GLT8D2: variants seen among roughly 807,000 people sequenced by gnomAD.
GLT8D2 encodes the protein glycosyltransferase 8 domain containing 2.
GLT8D2 carries 45 observed loss-of-function variants against 44.5 expected under a neutral mutation model. The observed-to-expected ratio is 1.01, with a 90% CI of 0.80 to 1.30. GLT8D2 has a LOEUF of 1.30. Ranked by LOEUF, GLT8D2 falls within the 50% of genes most tolerant of loss-of-function variation. The pLI, the probability that GLT8D2 is intolerant of heterozygous loss-of-function variation, is 0.00. For missense variants in GLT8D2, 400 were observed against 430.4 expected (o/e 0.93, Z 0.62); for synonymous variants, 156 against 157.2 (o/e 0.99, Z 0.06).
At chr12:104,041,971 G>A (rs1041830987) in intron 1 of GLT8D2, among the ~76,000 whole-genome samples, 3 of 152,202 alleles carry the variant, frequency 2.0e-5, no homozygotes, top group African/African-American at 7.2e-5. Flanking sequence ...GCAAGCTCCA[G>A]GGACAGGACG....
intron 4 of GLT8D2, among the ~76,000 whole-genome samples, chr12:104,009,561 A>T (rs1230391547): frequency 6.6e-6 from 1 of 152,230 alleles, no homozygotes; most frequent in Non-Finnish European, 1.5e-5. Flanking sequence ...TGCTGAAATG[A>T]GTCAAGACTT....
intron 4 of GLT8D2, among the ~76,000 whole-genome samples, chr12:104,010,543 C>T (rs1414524622): frequency 6.6e-6 from 1 of 152,182 alleles, no homozygotes; most frequent in African/African-American, 2.4e-5. Flanking sequence ...GCATGTCTTT[C>T]CTCTTTCTCC....
intron 1 of GLT8D2, among the ~76,000 whole-genome samples, chr12:104,063,433 C>A (rs1396376731): frequency 6.6e-6 from 1 of 152,172 alleles, no homozygotes; most frequent in South Asian, 2.1e-4. Context: ...GTAGTTCCAG[C>A]ACTTTGGGAG....
chr12:103,997,636 C>T lies in GLT8D2; in HGVS notation c.403-101G>A, dbSNP rs982311589. The T allele has an allele frequency of 1.6e-5, 13 of 806,488 alleles. No individual in the cohort carries two copies. The African/African-American group carries it at 2.2e-4, about 14-fold the overall frequency. 50.0% of individuals were successfully genotyped at this position (806,488 alleles called of 1,614,324 possible). ...GGCTTTGACCATGGCCTCAGCTCAG[C>T]TCCAGGTTTGGAGCGGAATAAAACA... On this transcript the variant is annotated intron_variant, in intron 6 of 10. Coordinates refer to ENST00000360814, the MANE Select transcript of GLT8D2 (RefSeq NM_001384711.1).
chr12:104,014,331 G>T (rs1566198081), intron 4 of GLT8D2: 3 of 695,372 alleles, frequency 4.3e-6, no homozygotes, highest in Non-Finnish European at 7.8e-6. Flanking sequence ...TTTGAGCTGG[G>T]GCAACAGAGT....
chr12:104,051,748 G>T (rs1359376023), upstream of GLT8D2, among the ~76,000 whole-genome samples: 6 of 147,012 alleles, frequency 4.1e-5, no homozygotes, highest in Admixed American at 4.1e-4. Flanking sequence ...CCTTCCCAGT[G>T]TTTTTTTTTT....
chr12:104,041,981 G>A (rs990371722), intron 1 of GLT8D2, among the ~76,000 whole-genome samples: 48 of 152,166 alleles, frequency 3.2e-4, no homozygotes, highest in Admixed American at 6.6e-4. Context: ...GGGACAGGAC[G>A]GGTACTACGT....
intron 3 of GLT8D2, among the ~76,000 whole-genome samples, chr12:104,016,070 T>A (rs564956901): frequency 6.6e-5 from 10 of 152,118 alleles, no homozygotes; most frequent in African/African-American, 2.4e-4. Flanking sequence ...ATGCCCTTTA[T>A]TTTTTTTGCT....
chr12:104,050,600 A>C (rs1361851344), upstream of GLT8D2, among the ~76,000 whole-genome samples: 3 of 152,226 alleles, frequency 2.0e-5, no homozygotes, highest in East Asian at 5.8e-4. Context: ...GGGAGCTGGG[A>C]GCTGACCTCA....
intron 3 of GLT8D2, among the ~76,000 whole-genome samples, chr12:104,016,940 CAGA>C (rs951973457): frequency 4.6e-4 from 70 of 152,242 alleles, no homozygotes; most frequent in African/African-American, 1.6e-3. Flanking sequence ...CCCTGGTAAA[CAGA>C]AGACCTCAAT....
chr12:104,035,333 A>G (rs1466008313), intron 1 of GLT8D2, among the ~76,000 whole-genome samples: 1 of 152,246 alleles, frequency 6.6e-6, no homozygotes, highest in Non-Finnish European at 1.5e-5. Context: ...GAGCTGACAG[A>G]AGTAGGCTTC....
At chr12:104,015,863 C>T (rs1007366385) in intron 3 of GLT8D2, among the ~76,000 whole-genome samples, 2 of 151,822 alleles carry the variant, frequency 1.3e-5, no homozygotes, top group Admixed American at 1.3e-4. Context: ...ATTAGCTGGG[C>T]GTGATGGTGC....
At chr12:104,062,834 T>C (rs1882786996) in intron 1 of GLT8D2, among the ~76,000 whole-genome samples, 1 of 152,156 alleles carries the variant, frequency 6.6e-6, no homozygotes, top group African/African-American at 2.4e-5. Flanking sequence ...ATATACAATA[T>C]GAAGTTGATA....
chr12:103,992,025 A>G (rs1258198676), intron 10 of GLT8D2, among the ~76,000 whole-genome samples: 1 of 152,180 alleles, frequency 6.6e-6, no homozygotes, highest in Non-Finnish European at 1.5e-5. Context: ...AGGTTTTTTA[A>G]TAACTTCTTT....
chr12:104,038,875 C>T (rs147865561), intron 1 of GLT8D2, among the ~76,000 whole-genome samples: 5 of 152,084 alleles, frequency 3.3e-5, no homozygotes, highest in East Asian at 1.9e-4. Flanking sequence ...GGAGGCATCA[C>T]GCTACCTGAC....
At position 103,989,309 on chromosome 12, in the gene GLT8D2, T is replaced by C. The variant is rs1872414713; in HGVS notation, c.*99A>G. 1 of 1,046,246 alleles carries C rather than the reference T, an allele frequency of 9.6e-7. No homozygotes were observed. Among genetic ancestry groups the C allele is most frequent in the Admixed American group, 2.7e-5 (1 of 36,594 alleles). The allele number at this position is 1,046,246 out of a possible 1,614,324, so 64.8% of individuals were successfully genotyped here. A position where few individuals can be genotyped will look rare whatever the true frequency, so the allele number is the denominator to read the frequency against. On this transcript the variant is annotated 3_prime_UTR_variant, in exon 11 of 11. Coordinates refer to ENST00000360814, the MANE Select transcript of GLT8D2 (RefSeq NM_001384711.1). ...TTTGGTTTTTATATTGTGGATCATA[T>C]GTATCAAAGGTAATATTCATAAAGA...
At chr12:103,998,432 C>T (rs1180534926) in intron 6 of GLT8D2, among the ~76,000 whole-genome samples, 3 of 151,422 alleles carry the variant, frequency 2.0e-5, no homozygotes, top group South Asian at 2.1e-4. Flanking sequence ...TTTTTTGAGA[C>T]GGAGTCTCAC....
chr12:104,013,242 G>T (rs923685236), intron 4 of GLT8D2, among the ~76,000 whole-genome samples: 3 of 152,132 alleles, frequency 2.0e-5, no homozygotes, highest in Admixed American at 2.0e-4. Flanking sequence ...CCACTGATCT[G>T]CTCTGTGTCT....
At chr12:104,036,622 T>TTAGCTCCCA (rs1879955494) in intron 1 of GLT8D2, among the ~76,000 whole-genome samples, 1 of 152,180 alleles carries the variant, frequency 6.6e-6, no homozygotes, top group African/African-American at 2.4e-5. Context: ...CTTTCCTAAG[T>TTAGCTCCCA]ATATATGCAC....
Sources: allele counts gnomAD v4.1 joint callset (sites outside exome capture counted in the v4.1 genomes callset), GRCh38; gene constraint gnomAD v4.1.1; transcripts MANE v1.5; gene names NCBI Gene and HGNC (gene_info 2026-07-23, HGNC 2026-07-21).